CDK5RAP2: variants seen among roughly 807,000 people sequenced by gnomAD.
The protein encoded by CDK5RAP2 is CDK5 regulatory subunit-associated protein 2.
A neutral mutation model predicts 232.9 loss-of-function variants in CDK5RAP2; 147 were observed. The observed-to-expected ratio is 0.63, with a 90% CI of 0.55 to 0.72. The LOEUF (loss-of-function observed/expected upper bound fraction) is 0.72, where lower values mean the gene tolerates loss of function less well. Ranked by LOEUF, CDK5RAP2 falls within the 30% of genes least tolerant of loss-of-function variation. The probability of loss-of-function intolerance (pLI) is 0.00; values close to 1 mark genes in which losing one functional copy is unlikely to be tolerated. For missense variants in CDK5RAP2, 2,195 were observed against 2,231.5 expected (o/e 0.98, Z 0.33); for synonymous variants, 833 against 833.7 (o/e 1.00, Z 0.01).
chr9:120,435,781 T>G (rs1309665694), intron 25 of CDK5RAP2, among the ~76,000 whole-genome samples: 1 of 152,106 alleles, frequency 6.6e-6, no homozygotes, highest in Non-Finnish European at 1.5e-5. Context: ...AATAGTCCAT[T>G]GAATAAAATA....
In CDK5RAP2 at chr9:120,453,475, A is replaced by C. The variant is rs1300405731; in HGVS notation, c.2774T>G (p.Leu925Arg). ...VPGWQAALLS[L>R]PGITNREAKK... The stretch of plus-strand genomic sequence containing the variant: ...ACTTACTCTGTTGGTAATACCAGGG[A>C]GGGAAAGGAGGGCAGCCTGCCACCC... Residue 925 changes from leucine to arginine, a missense_variant, in exon 21 of 38, where the codon CTC becomes CGC. Transcript: ENST00000349780. 2 of 1,611,504 alleles carry C rather than the reference A, an allele frequency of 1.2e-6. No individual in the cohort carries two copies. The highest frequency in any genetic ancestry group is 2.2e-5 in the South Asian group (2 of 91,082).
intron 19 of CDK5RAP2, among the ~76,000 whole-genome samples, chr9:120,459,050 T>C (rs74655660): frequency 4.3e-4 from 65 of 152,360 alleles, no homozygotes; most frequent in African/African-American, 1.4e-3. Flanking sequence ...AAGAAGAGTA[T>C]GGAACCCATG....
Position 120,518,702 on chromosome 9 carries a change from C to A in CDK5RAP2, c.1093-57G>T, listed in dbSNP as rs939219919. On this transcript the variant is annotated intron_variant, in intron 11 of 37. Transcript: ENST00000349780. Reference sequence around the variant, plus strand: ...TAATTTTCATACCTCATGAAACAAACCAAGAAACCTGGGCTCTTTTTCGCC... The same window carrying A: ...TAATTTTCATACCTCATGAAACAAAACAAGAAACCTGGGCTCTTTTTCGCC... The A allele has an allele frequency of 2.6e-5, 36 of 1,385,468 alleles. No individual in the cohort carries two copies. In the South Asian group the frequency reaches 4.1e-4, roughly 16 times the overall value. The allele number at this position is 1,385,468 out of a possible 1,614,324, so 85.8% of individuals were successfully genotyped here.
chr9:120,494,309 T>C (rs1346502579), intron 12 of CDK5RAP2, among the ~76,000 whole-genome samples: 2 of 152,212 alleles, frequency 1.3e-5, no homozygotes, highest in African/African-American at 4.8e-5. Flanking sequence ...ATTCACATCT[T>C]GGTTTCTAAA....
At chr9:120,513,314 A>G (rs1457229043) in intron 12 of CDK5RAP2, among the ~76,000 whole-genome samples, 1 of 152,126 alleles carries the variant, frequency 6.6e-6, no homozygotes, top group Admixed American at 6.5e-5. Flanking sequence ...CTAAACTGCA[A>G]ATCTGATCCT....
chr9:120,417,050 CA>C (rs1009979155), intron 27 of CDK5RAP2, among the ~76,000 whole-genome samples: 2 of 152,236 alleles, frequency 1.3e-5, no homozygotes, highest in African/African-American at 2.4e-5. Flanking sequence ...CTCTTGTCTG[CA>C]AAAAGCTACT....
intron 14 of CDK5RAP2, among the ~76,000 whole-genome samples, chr9:120,485,021 G>A (rs1309763826): frequency 6.6e-6 from 1 of 151,978 alleles, no homozygotes; most frequent in Non-Finnish European, 1.5e-5. Context: ...ATGATGCCTG[G>A]CCAGTAAATC....
chr9:120,415,147 T>C lies in CDK5RAP2; in HGVS notation c.4190A>G (p.Glu1397Gly), dbSNP rs1000999814. The C allele has an allele frequency of 6.2e-7, 1 of 1,614,112 alleles. No homozygotes were observed. The highest frequency in any genetic ancestry group is 8.5e-7 in the Non-Finnish European group (1 of 1,179,934). ...CAAAGTTCGAATTTCCTGTATGTGT[T>C]CCATTAGTAAGTCTACAGGAAGGAA... Reference protein sequence around the residue: ...VNSFSQDLLMEHIQEIRTLRK... With the variant: ...VNSFSQDLLMGHIQEIRTLRK... The change falls in exon 28 of 38, where the codon GAA becomes GGA. Residue 1397 changes from glutamate (E) to glycine (G), a missense_variant. Transcript: ENST00000349780.
chr9:120,390,218 GA>G, intron 36 of CDK5RAP2: 2 of 187,796 alleles, frequency 1.1e-5, no homozygotes, highest in East Asian at 2.4e-4. Context: ...GCAGCTGTGG[GA>G]AGGGACTGTG....
intron 4 of CDK5RAP2, 112 bp from the exon 5 acceptor site, chr9:120,545,902 G>A: frequency 1.2e-6 from 1 of 840,392 alleles, no homozygotes; most frequent in Non-Finnish European, 2.0e-6. Flanking sequence ...GCTTGTAATA[G>A]GCAGATGTTA....
chr9:120,522,969 G>A (rs1029109667), intron 11 of CDK5RAP2, among the ~76,000 whole-genome samples: 1 of 152,196 alleles, frequency 6.6e-6, no homozygotes, highest in African/African-American at 2.4e-5. Context: ...TCAGAGGAGT[G>A]GAAAGAGCAT....
chr9:120,492,347 C>T (rs1336667239), intron 12 of CDK5RAP2, among the ~76,000 whole-genome samples: 1 of 152,140 alleles, frequency 6.6e-6, no homozygotes, highest in Non-Finnish European at 1.5e-5. Context: ...TGTGTGGCAG[C>T]AGCAGAGACC....
intron 25 of CDK5RAP2, among the ~76,000 whole-genome samples, chr9:120,423,495 T>C (rs1344200226): frequency 6.6e-6 from 1 of 152,058 alleles, no homozygotes; most frequent in Non-Finnish European, 1.5e-5. Context: ...TTTAAAAAAA[T>C]GACAAAAGAA....
Position 120,487,276 on chromosome 9 carries a change from A to T in CDK5RAP2, c.1626+18T>A, listed in dbSNP as rs748131912. On this transcript the variant is annotated intron_variant, in intron 14 of 37. Transcript: ENST00000349780. Reference sequence around the variant, plus strand: ...TGAATCCATTCGCATGTGAATGTCCAATTTCAGTCAAGCTTACCTTAGAGA... The same window carrying T: ...TGAATCCATTCGCATGTGAATGTCCTATTTCAGTCAAGCTTACCTTAGAGA... The T allele has an allele frequency of 2.3e-5, 37 of 1,613,794 alleles. No individual in the cohort carries two copies. In the Admixed American group the frequency reaches 2.3e-4, roughly 10 times the overall value.
chr9:120,560,616 T>C (rs1254282641), intron 3 of CDK5RAP2, among the ~76,000 whole-genome samples: 1 of 152,184 alleles, frequency 6.6e-6, no homozygotes, highest in African/African-American at 2.4e-5. Flanking sequence ...TAGATGGTGG[T>C]ATTGTCTCTT....
In CDK5RAP2 at chr9:120,403,942, T is replaced by C. The variant is rs1049027755; in HGVS notation, c.5041+94A>G. 9.6e-6 allele frequency: 8 copies of C among 833,212 alleles called. No homozygotes were observed. Among genetic ancestry groups the C allele is most frequent in the Admixed American group, 5.3e-5 (3 of 56,522 alleles). 51.6% of individuals were successfully genotyped at this position (833,212 alleles called of 1,614,324 possible). ...CCCAAATCCTTACCAAATACCCTCC[T>C]GAGTTGGGACCAGGGACCCCCCTTT... is the stretch of plus-strand genomic sequence containing the variant. On this transcript the variant is annotated intron_variant, in intron 33 of 37. Coordinates refer to ENST00000349780, the MANE Select transcript of CDK5RAP2 (RefSeq NM_018249.6). This position sits in a 1 kb window ranked among gnomAD's most constrained non-coding sequence, Gnocchi z 4.2.
chr9:120,508,653 C>T (rs1454602675), intron 12 of CDK5RAP2, among the ~76,000 whole-genome samples: 2 of 152,180 alleles, frequency 1.3e-5, no homozygotes, highest in East Asian at 1.9e-4. Context: ...CACAGGCCTT[C>T]CTGCTACCAG....
chr9:120,479,132 T>A (rs995870967), intron 14 of CDK5RAP2, among the ~76,000 whole-genome samples: 1 of 152,188 alleles, frequency 6.6e-6, no homozygotes, highest in African/African-American at 2.4e-5. Flanking sequence ...TAATGGTTTA[T>A]AACCCACTGA....
intron 3 of CDK5RAP2, among the ~76,000 whole-genome samples, chr9:120,562,523 C>T (rs2132135854): frequency 6.6e-6 from 1 of 152,258 alleles, no homozygotes; most frequent in Middle Eastern, 3.4e-3. Context: ...GTGGCTATGA[C>T]ACTCGCTCTG....
Sources: gnomAD v4.1 joint callset for allele counts (sites outside exome capture counted in the v4.1 genomes callset) on GRCh38, gnomAD v4.1.1 for gene constraint, Gnocchi (gnomAD v3.1) non-coding constraint, MANE v1.5 for transcripts, NCBI Gene and HGNC (gene_info 2026-07-23, HGNC 2026-07-21) for gene names.